Variants in NCKAP5 observed in about 807,000 individuals in gnomAD.
NCKAP5 encodes nck-associated protein 5.
Under a neutral mutation model 167.0 loss-of-function variants are expected in NCKAP5, and 92 were observed. The observed-to-expected ratio is 0.55, with a 90% confidence interval of 0.47 to 0.66. The LOEUF (loss-of-function observed/expected upper bound fraction) is 0.66, where lower values mean the gene tolerates loss of function less well. NCKAP5 is among the 30% of genes least tolerant of loss of function. The pLI is 0.00. For synonymous variants in NCKAP5, 891 were observed against 877.4 expected (o/e 1.02, Z -0.27); for missense variants, 2,378 against 2,315.0 (o/e 1.03, Z -0.56).
rs563676043 is a variant in NCKAP5, at chr2:132,731,979, G to A, written c.5201C>T (p.Ser1734Leu). Residue 1734 changes from serine (S) to leucine (L), a missense_variant, in exon 17 of 20, where the codon TCG becomes TTG. Around this residue, in one of 3 missense-constraint regions of NCKAP5, gnomAD observed 1,325 missense variants for 1,274.5 expected, o/e 1.04. Transcript: ENST00000409261. ...TGGCTGGCATAGGTAGCGTCCTGTC[G>A]AGCGATTTCCCGAGTCTGGGAGTGG... ...TFPLPDSGNR[S>L]TGRYLCQPDS... The A allele has an allele frequency of 3.1e-6, 5 of 1,613,798 alleles. No individual in the cohort carries two copies. The South Asian group carries it at 5.5e-5, about 18-fold the overall frequency.
At chr2:133,154,939 C>T (rs1336308051) in intron 5 of NCKAP5, among the ~76,000 whole-genome samples, 1 of 152,228 alleles carries the variant, frequency 6.6e-6, no homozygotes, top group Non-Finnish European at 1.5e-5. Flanking sequence ...TGTAATATTA[C>T]ACACTTAGGC....
At chr2:132,724,416 G>A (rs371781142) in intron 19 of NCKAP5, among the ~76,000 whole-genome samples, 4 of 152,166 alleles carry the variant, frequency 2.6e-5, no homozygotes, top group African/African-American at 7.2e-5. Flanking sequence ...AATGGAGAAC[G>A]TTCGAGAGCT....
At chr2:133,320,028 A>G (rs1262117184) in intron 3 of NCKAP5, among the ~76,000 whole-genome samples, 3 of 152,132 alleles carry the variant, frequency 2.0e-5, no homozygotes, top group Admixed American at 6.5e-5. Context: ...AACGAAACCA[A>G]CTGCAACAAG....
At chr2:132,682,954 G>T (rs1038121592) in intron 19 of NCKAP5, among the ~76,000 whole-genome samples, 1 of 149,862 alleles carries the variant, frequency 6.7e-6, no homozygotes, top group African/African-American at 2.5e-5. Flanking sequence ...ATGCGATCTC[G>T]GCTCACTTCA....
the NCKAP5 span, among the ~76,000 whole-genome samples, chr2:133,636,852 A>G: frequency 1.3e-5 from 2 of 152,112 alleles, no homozygotes; most frequent in Non-Finnish European, 2.9e-5. Context: ...AAGGCCTTTG[A>G]AAGACTAGAT....
chr2:132,925,195 T>C (rs1695761724), intron 8 of NCKAP5, among the ~76,000 whole-genome samples: 1 of 152,132 alleles, frequency 6.6e-6, no homozygotes, highest in Non-Finnish European at 1.5e-5. Flanking sequence ...CATTAGATTC[T>C]TATAAGGAGT....
chr2:133,129,008 T>C (rs1397930867), intron 6 of NCKAP5, among the ~76,000 whole-genome samples: 1 of 151,632 alleles, frequency 6.6e-6, no homozygotes, highest in Admixed American at 6.6e-5. Context: ...AGGAAGAGTT[T>C]ATTGAATCAT....
chr2:132,844,148 G>A (rs1688496978), intron 11 of NCKAP5, among the ~76,000 whole-genome samples: 1 of 152,074 alleles, frequency 6.6e-6, no homozygotes, highest in Admixed American at 6.6e-5. Flanking sequence ...ATAAGAATAT[G>A]TAATACGTTT....
At chr2:132,892,466 G>A (rs1331786266) in intron 8 of NCKAP5, among the ~76,000 whole-genome samples, 1 of 152,130 alleles carries the variant, frequency 6.6e-6, no homozygotes, top group East Asian at 1.9e-4. Context: ...ACAAATCTAT[G>A]ACTTTCAAGC....
At chr2:133,032,540 C>G (rs929401764) in intron 6 of NCKAP5, among the ~76,000 whole-genome samples, 1 of 152,170 alleles carries the variant, frequency 6.6e-6, no homozygotes, top group Non-Finnish European at 1.5e-5. Context: ...GGGGACCTCA[C>G]CACCCTGCAG....
rs777479794 is a variant in NCKAP5, at chr2:133,130,068, C to T, written c.251G>A (p.Arg84His). The T allele has an allele frequency of 1.6e-5, 26 of 1,611,854 alleles. No homozygotes were observed. The highest frequency in any genetic ancestry group is 1.5e-4 in the African/African-American group (11 of 74,848). The change falls in exon 6 of 20, where the codon CGT becomes CAT. Residue 84 changes from arginine to histidine, a missense_variant. Arg to His is a conservative substitution (Grantham distance 29). Transcript: ENST00000409261. Reference protein sequence around the residue: ...IHELEEERHLRLQSEKRLQEV... With the variant: ...IHELEEERHLHLQSEKRLQEV... The stretch of plus-strand genomic sequence containing the variant: ...CTGCAACCGCTTCTCGCTTTGAAGA[C>T]GTAAGTGTCTCTCCTCTTCCAGTTC...
chr2:133,176,089 C>T (rs1014898316), intron 5 of NCKAP5, among the ~76,000 whole-genome samples: 14 of 152,072 alleles, frequency 9.2e-5, no homozygotes, highest in African/African-American at 1.9e-4. Context: ...CAGTGGAGAC[C>T]GCATATCCAG....
chr2:133,327,774 C>T (rs1682553251), intron 3 of NCKAP5, among the ~76,000 whole-genome samples: 1 of 152,068 alleles, frequency 6.6e-6, no homozygotes, highest in South Asian at 2.1e-4. Context: ...ACAGTAGCGA[C>T]ATTAATACCT....
At chr2:133,347,940 C>A (rs994216751) in intron 3 of NCKAP5, among the ~76,000 whole-genome samples, 3 of 152,222 alleles carry the variant, frequency 2.0e-5, no homozygotes, top group Non-Finnish European at 4.4e-5. Flanking sequence ...AAAATATGTT[C>A]TTGAACCAAA....
intron 3 of NCKAP5, among the ~76,000 whole-genome samples, chr2:133,511,774 G>T (rs553765528): frequency 6.6e-6 from 1 of 152,334 alleles, no homozygotes; most frequent in Non-Finnish European, 1.5e-5. Context: ...ACTCCCTCTT[G>T]TTCTTTGGCC....
At chr2:132,823,567 G>A (rs10928435) in intron 11 of NCKAP5, among the ~76,000 whole-genome samples, 90,697 of 151,788 alleles carry the variant, frequency 0.6, 29,007 homozygotes, top group East Asian at 0.89. Flanking sequence ...AATCTTCAAA[G>A]AAAACCTCAG....
the NCKAP5 span, among the ~76,000 whole-genome samples, chr2:133,658,390 A>G: frequency 1.1e-4 from 16 of 152,190 alleles, no homozygotes; most frequent in Non-Finnish European, 1.5e-4. Context: ...CTCATTAGGA[A>G]AACAGGTCAT....
intron 3 of NCKAP5, among the ~76,000 whole-genome samples, chr2:133,409,124 C>G (rs1364656925): frequency 2.6e-5 from 4 of 152,206 alleles, no homozygotes; most frequent in Admixed American, 2.6e-4. Context: ...TATTTAGATT[C>G]TTTTTGGCAG....
intron 3 of NCKAP5, among the ~76,000 whole-genome samples, chr2:133,350,156 G>A (rs1559406703): frequency 1.3e-5 from 2 of 152,128 alleles, no homozygotes; most frequent in Admixed American, 6.5e-5. Context: ...TCATGCCTAT[G>A]GTTCCAGAAC....
Sources: allele counts gnomAD v4.1 joint callset (sites outside exome capture counted in the v4.1 genomes callset), GRCh38; gene constraint gnomAD v4.1.1; regional missense constraint gnomAD v4.1.1; transcripts MANE v1.5; gene names NCBI Gene and HGNC (gene_info 2026-07-23, HGNC 2026-07-21).